SSBP2: variants seen among roughly 807,000 people sequenced by gnomAD.
SSBP2 encodes the protein single-stranded DNA-binding protein 2.
In SSBP2, 17 loss-of-function variants were observed where a neutral mutation model predicts 61.8. The ratio of observed to expected loss-of-function variants is 0.28; its 90% confidence interval spans 0.19 to 0.41. The LOEUF is 0.41. SSBP2 is among the 10% of genes least tolerant of loss of function. The pLI, the probability that SSBP2 is intolerant of heterozygous loss-of-function variation, is 1.00. For synonymous variants in SSBP2, 139 were observed against 141.3 expected (o/e 0.98, Z 0.12); for missense variants, 310 against 458.7 (o/e 0.68, Z 2.96).
intron 4 of SSBP2, among the ~76,000 whole-genome samples, chr5:81,547,892 A>T (rs1771860509): frequency 6.6e-6 from 1 of 152,228 alleles, no homozygotes; most frequent in Non-Finnish European, 1.5e-5. Context: ...AAAAATCAAC[A>T]GTTGCCAATA....
chr5:81,562,744 T>C (rs1482771010), intron 4 of SSBP2, among the ~76,000 whole-genome samples: 1 of 152,172 alleles, frequency 6.6e-6, no homozygotes, highest in African/African-American at 2.4e-5. Flanking sequence ...TATTTCCATA[T>C]ATGGGCAACG....
At chr5:81,593,119 G>C (rs1207925034) in intron 4 of SSBP2, among the ~76,000 whole-genome samples, 1 of 152,146 alleles carries the variant, frequency 6.6e-6, no homozygotes. Flanking sequence ...TGGATAACTA[G>C]AATAACCAAT....
chr5:81,681,276 T>G (rs1261745363), intron 1 of SSBP2, among the ~76,000 whole-genome samples: 3 of 152,000 alleles, frequency 2.0e-5, no homozygotes, highest in Non-Finnish European at 4.4e-5. Flanking sequence ...TCCCAGCACT[T>G]TGGGAGACCG....
At position 81,513,683 on chromosome 5, in the gene SSBP2, T is replaced by C. The variant is rs760735928; in HGVS notation, c.317A>G (p.Asn106Ser). 54 of 1,612,978 alleles carry C rather than the reference T, an allele frequency of 3.3e-5. 1 individual carries two copies. In the South Asian group the frequency reaches 5.3e-4, roughly 16 times the overall value. ...TGGCATGCCATCTCCTGGGGGAATGTTTCCTAGCACTGGACTGGGAGCTGC... is the reference window on the plus strand; with the variant it reads ...TGGCATGCCATCTCCTGGGGGAATGCTTCCTAGCACTGGACTGGGAGCTGC... Residue 106 changes from asparagine (N) to serine (S), a missense_variant, in exon 5 of 17, where the codon AAC becomes AGC. This residue lies in a region of SSBP2 where 209 missense variants were observed against 286.4 expected (regional missense o/e 0.73). Coordinates refer to ENST00000320672, the MANE Select transcript of SSBP2 (RefSeq NM_012446.5).
chr5:81,493,217 TATC>T (rs1766996077), intron 5 of SSBP2, among the ~76,000 whole-genome samples: 1 of 151,394 alleles, frequency 6.6e-6, no homozygotes, highest in Non-Finnish European at 1.5e-5. Context: ...AACATATATA[TATC>T]AAAAACATAT....
chr5:81,699,456 C>G (rs1159258043), intron 1 of SSBP2, among the ~76,000 whole-genome samples: 1 of 152,234 alleles, frequency 6.6e-6, no homozygotes, highest in African/African-American at 2.4e-5. Context: ...ACAATGTTCA[C>G]AGCATCTTCA....
At chr5:81,549,679 G>A (rs193193795) in intron 4 of SSBP2, among the ~76,000 whole-genome samples, 19 of 152,210 alleles carry the variant, frequency 1.2e-4, no homozygotes, top group African/African-American at 4.3e-4. Flanking sequence ...CAATTAGAGG[G>A]CTCTGATTAT....
intron 10 of SSBP2, among the ~76,000 whole-genome samples, chr5:81,457,462 G>C (rs1481321417): frequency 6.6e-6 from 1 of 152,120 alleles, no homozygotes; most frequent in East Asian, 1.9e-4. Flanking sequence ...CAAAATAGCA[G>C]ATGAAAGTAT....
intron 2 of SSBP2, among the ~76,000 whole-genome samples, chr5:81,637,916 T>G (rs1240299254): frequency 6.6e-6 from 1 of 152,186 alleles, no homozygotes; most frequent in Non-Finnish European, 1.5e-5. Flanking sequence ...TGGAATACTA[T>G]GCAGCCATAA....
At chr5:81,558,664 C>T (rs1772792401) in intron 4 of SSBP2, among the ~76,000 whole-genome samples, 2 of 152,194 alleles carry the variant, frequency 1.3e-5, no homozygotes, top group African/African-American at 4.8e-5. Flanking sequence ...TTTTATTCTT[C>T]AGGAAATCAG....
chr5:81,632,925 A>G (rs1010078044), intron 3 of SSBP2, among the ~76,000 whole-genome samples: 2 of 152,098 alleles, frequency 1.3e-5, no homozygotes, highest in Admixed American at 6.5e-5. Flanking sequence ...ACTCAGCTTT[A>G]TAAGTCATTG....
chr5:81,700,313 GAAAT>G (rs1033306450), intron 1 of SSBP2, among the ~76,000 whole-genome samples: 7 of 152,148 alleles, frequency 4.6e-5, no homozygotes, highest in African/African-American at 1.4e-4. Context: ...GAAAAAGAAA[GAAAT>G]AGTCTTTCCT....
chr5:81,712,727 T>TG (rs1754877647), intron 1 of SSBP2, among the ~76,000 whole-genome samples: 2 of 91,920 alleles, frequency 2.2e-5, no homozygotes, highest in Non-Finnish European at 4.7e-5. Flanking sequence ...TTTGTTTCTT[T>TG]GTTTTTTTTT....
intron 10 of SSBP2, among the ~76,000 whole-genome samples, chr5:81,458,845 A>AT (rs376788551): frequency 9.2e-5 from 14 of 152,054 alleles, no homozygotes; most frequent in African/African-American, 2.7e-4. Context: ...GTTATCTATG[A>AT]TTTTTTTCCC....
intron 1 of SSBP2, among the ~76,000 whole-genome samples, chr5:81,710,478 C>T (rs1354756414): frequency 6.6e-6 from 1 of 151,896 alleles, no homozygotes; most frequent in East Asian, 1.9e-4. Flanking sequence ...TATACAGTTA[C>T]AACATTTAGT....
intron 12 of SSBP2, among the ~76,000 whole-genome samples, chr5:81,443,720 G>A (rs954152586): frequency 7.2e-5 from 11 of 152,096 alleles, no homozygotes; most frequent in Admixed American, 5.9e-4. Context: ...ATGCCACCAC[G>A]CCTGGCTAAT....
At chr5:81,508,671 AC>A (rs1313196204) in intron 5 of SSBP2, among the ~76,000 whole-genome samples, 2 of 152,180 alleles carry the variant, frequency 1.3e-5, no homozygotes, top group African/African-American at 4.8e-5. Context: ...TTATGTATTC[AC>A]AAGTTCAGTT....
Position 81,414,339 on chromosome 5 carries a change from T to C in SSBP2, c.*6165A>G, listed in dbSNP as rs1030232999. ...CATTAAAATATCTTACAGAAATCAT[T>C]ATTCTTCTATTCAAGAAAACCAATT... On this transcript the variant is annotated 3_prime_UTR_variant, in exon 17 of 17. Transcript: ENST00000320672. 110 of 152,162 alleles carry C rather than the reference T, an allele frequency of 7.2e-4. No individual in the cohort carries two copies. Among genetic ancestry groups the C allele is most frequent in the African/African-American group, 2.6e-3 (106 of 41,460 alleles). The allele number at this position is 152,162 out of a possible 1,614,324, so 9.4% of individuals were successfully genotyped here. A position where few individuals can be genotyped will look rare whatever the true frequency, so the allele number is the denominator to read the frequency against.
At chr5:81,667,286 T>TACACACACACACACACACACACAC (rs71605804) in intron 1 of SSBP2, among the ~76,000 whole-genome samples, 1 of 133,732 alleles carries the variant, frequency 7.5e-6, no homozygotes, top group African/African-American at 2.8e-5. Context: ...GGGATACAGA[T>TACACACACACACACACACACACAC]ACACACACAC....
Sources: allele counts gnomAD v4.1 joint callset (sites outside exome capture counted in the v4.1 genomes callset), GRCh38; gene constraint gnomAD v4.1.1; regional missense constraint gnomAD v4.1.1; transcripts MANE v1.5; gene names NCBI Gene and HGNC (gene_info 2026-07-23, HGNC 2026-07-21).